NYAP2: variants seen among roughly 807,000 people sequenced by gnomAD.
NYAP2 encodes neuronal tyrosine-phosphorylated phosphoinositide-3-kinase adaptor 2.
A neutral mutation model predicts 50.4 loss-of-function variants in NYAP2; 23 were observed. The observed-to-expected ratio is 0.46, with a 90% CI of 0.33 to 0.65. NYAP2 has a LOEUF of 0.65. NYAP2 is among the 30% of genes least tolerant of loss of function. The probability of loss-of-function intolerance (pLI) is 0.02; values close to 1 mark genes in which losing one functional copy is unlikely to be tolerated. For missense variants in NYAP2, 885 were observed against 861.0 expected (o/e 1.03, Z -0.35); for synonymous variants, 394 against 365.2 (o/e 1.08, Z -0.90).
intron 4 of NYAP2, among the ~76,000 whole-genome samples, chr2:225,569,152 G>A (rs1692019462): frequency 6.6e-6 from 1 of 152,192 alleles, no homozygotes; most frequent in Non-Finnish European, 1.5e-5. Flanking sequence ...GATGAAGTCT[G>A]TTGGGCCCAC....
At chr2:225,503,153 G>T (rs1232929768) in intron 3 of NYAP2, among the ~76,000 whole-genome samples, 1 of 151,996 alleles carries the variant, frequency 6.6e-6, no homozygotes, top group African/African-American at 2.4e-5. Flanking sequence ...TAAAAACTTG[G>T]CATGTTCTCA....
At chr2:225,660,709 A>G in the NYAP2 span, among the ~76,000 whole-genome samples, 1 of 152,096 alleles carries the variant, frequency 6.6e-6, no homozygotes, top group East Asian at 1.9e-4. Context: ...ATCAAACAAA[A>G]CTGTTTTATG....
intron 4 of NYAP2, among the ~76,000 whole-genome samples, chr2:225,576,204 C>T (rs563163209): frequency 1.3e-5 from 2 of 152,312 alleles, no homozygotes; most frequent in South Asian, 2.1e-4. Flanking sequence ...GACTTTTTGA[C>T]CACACTGTTG....
intron 3 of NYAP2, among the ~76,000 whole-genome samples, chr2:225,490,331 T>C (rs1690382854): frequency 6.6e-6 from 1 of 152,172 alleles, no homozygotes; most frequent in African/African-American, 2.4e-5. Flanking sequence ...ATAAAGACTC[T>C]TGTTTGACTC....
chr2:225,551,862 G>T (rs1338819033), intron 4 of NYAP2, among the ~76,000 whole-genome samples: 1 of 152,130 alleles, frequency 6.6e-6, no homozygotes, highest in African/African-American at 2.4e-5. Flanking sequence ...GCCTAGGCTG[G>T]AGCGCAGTGG....
intron 5 of NYAP2, among the ~76,000 whole-genome samples, chr2:225,620,228 A>G (rs1218583866): frequency 6.6e-6 from 1 of 152,238 alleles, no homozygotes; most frequent in African/African-American, 2.4e-5. Context: ...TTTTCAATAT[A>G]TCTTATTTAC....
chr2:225,587,258 G>A (rs1391868446), intron 5 of NYAP2, among the ~76,000 whole-genome samples: 1 of 152,140 alleles, frequency 6.6e-6, no homozygotes, highest in Non-Finnish European at 1.5e-5. Context: ...ACATTTCTAT[G>A]AAAAAGTACA....
intron 3 of NYAP2, among the ~76,000 whole-genome samples, chr2:225,457,318 A>G (rs779805935): frequency 5.9e-5 from 9 of 152,166 alleles, no homozygotes; most frequent in Middle Eastern, 3.2e-3. Flanking sequence ...TTATTTCTAG[A>G]AGGTATGCTA....
intron 6 of NYAP2, among the ~76,000 whole-genome samples, chr2:225,650,213 G>A (rs1044386873): frequency 2.0e-5 from 3 of 152,158 alleles, no homozygotes; most frequent in Non-Finnish European, 4.4e-5. Context: ...ACTGAAGTTG[G>A]CAGTGAACCA....
At chr2:225,643,434 T>C (rs981152188) in intron 6 of NYAP2, among the ~76,000 whole-genome samples, 1 of 152,040 alleles carries the variant, frequency 6.6e-6, no homozygotes, top group African/African-American at 2.4e-5. Context: ...TCCCTTATAA[T>C]CTTTTTTTTT....
chr2:225,640,353 T>C (rs1370779975), intron 6 of NYAP2, among the ~76,000 whole-genome samples: 2 of 152,198 alleles, frequency 1.3e-5, no homozygotes, highest in Admixed American at 1.3e-4. Flanking sequence ...GTTGTTTTTT[T>C]CAAAAATCAG....
Position 225,570,697 on chromosome 2 carries a change from A to T in NYAP2, c.524-11244A>T, listed in dbSNP as rs561133333. ...GGGATTATGGGAACTATAAGATGAG[A>T]TTTGGGTGGGGACATAACCAAACCA... On this transcript the variant is annotated intron_variant, in intron 4 of 6. Coordinates refer to ENST00000636099, the Ensembl canonical transcript of NYAP2. Among the ~76,000 whole-genome samples the T allele has an allele frequency of 3.8e-4, 58 of 152,322 alleles. 1 individual carries two copies. The highest frequency in any genetic ancestry group is 2.9e-5 in the Non-Finnish European group (2 of 68,038).
At chr2:225,627,939 A>G (rs1465962204) in intron 6 of NYAP2, among the ~76,000 whole-genome samples, 1 of 152,220 alleles carries the variant, frequency 6.6e-6, no homozygotes, top group Non-Finnish European at 1.5e-5. Flanking sequence ...CTAATCCTTT[A>G]ATATTCTTTT....
chr2:225,635,122 T>A (rs1489224755), intron 6 of NYAP2, among the ~76,000 whole-genome samples: 1 of 152,162 alleles, frequency 6.6e-6, no homozygotes, highest in Non-Finnish European at 1.5e-5. Context: ...TCAGCCTCCA[T>A]ATCCAAGAAG....
intron 4 of NYAP2, among the ~76,000 whole-genome samples, chr2:225,555,910 C>T (rs1002336896): frequency 3.3e-5 from 5 of 152,150 alleles, no homozygotes; most frequent in African/African-American, 1.2e-4. Flanking sequence ...AAGTTGTGCT[C>T]CCCTGCACCC....
chr2:225,617,442 TA>T lies in NYAP2; in HGVS notation c.1619-9465del, dbSNP rs971201433. Among the ~76,000 whole-genome samples, 703 of 145,962 alleles carry T rather than the reference TA, an allele frequency of 4.8e-3. 9 individuals carry two copies. Among genetic ancestry groups the T allele is most frequent in the African/African-American group, 0.016 (629 of 39,786 alleles). On this transcript the variant is annotated intron_variant, in intron 5 of 6. Transcript: ENST00000636099. Reference sequence around the variant, plus strand: ...GAAACTCTATCAAAAAATAAAAAAATAAAAAAAAAACAGCAGTCATGAACCA... The same window carrying T: ...GAAACTCTATCAAAAAATAAAAAAATAAAAAAAAACAGCAGTCATGAACCA...
intron 6 of NYAP2, among the ~76,000 whole-genome samples, chr2:225,641,245 T>C (rs976962247): frequency 1.3e-5 from 2 of 152,136 alleles, no homozygotes; most frequent in Non-Finnish European, 2.9e-5. Flanking sequence ...TCACGAAGAA[T>C]GCCCTTTCTG....
At chr2:225,456,177 CT>C (rs1479497528) in intron 3 of NYAP2, among the ~76,000 whole-genome samples, 1 of 152,184 alleles carries the variant, frequency 6.6e-6, no homozygotes, top group African/African-American at 2.4e-5. Flanking sequence ...TTAGCCTGCT[CT>C]TTTTAAAAAG....
chr2:225,405,689 C>T (rs1035585045), intron 2 of NYAP2, among the ~76,000 whole-genome samples: 6 of 151,906 alleles, frequency 3.9e-5, no homozygotes, highest in African/African-American at 1.4e-4. Context: ...GTCTGAGAAA[C>T]ACTTTGGGCT....
Sources: gnomAD v4.1 joint callset for allele counts (sites outside exome capture counted in the v4.1 genomes callset) on GRCh38, gnomAD v4.1.1 for gene constraint, MANE v1.5 for transcripts, NCBI Gene and HGNC (gene_info 2026-07-23, HGNC 2026-07-21) for gene names.